NCOA1: variants seen among roughly 807,000 people sequenced by gnomAD.
The protein encoded by NCOA1 is nuclear receptor coactivator 1, also known as Hin-2 protein.
In NCOA1, 35 loss-of-function variants were observed where a neutral mutation model predicts 150.9. The ratio of observed to expected loss-of-function variants is 0.23; its 90% CI spans 0.18 to 0.31. The LOEUF is 0.31. Ranked by LOEUF, NCOA1 falls within the 10% of genes least tolerant of loss-of-function variation. The pLI is 1.00. For synonymous variants in NCOA1, 590 were observed against 630.0 expected, an observed-to-expected ratio of 0.94 and a Z score of 0.95; for missense variants, 1,491 against 1,749.3, an observed-to-expected ratio of 0.85 and a Z score of 2.63.
At chr2:24,759,442 A>G (rs1046872190) in intron 21 of NCOA1, among the ~76,000 whole-genome samples, 4 of 152,230 alleles carry the variant, frequency 2.6e-5, no homozygotes, top group African/African-American at 9.6e-5. Context: ...AGAAGAAGTA[A>G]TGTGGTAAGC....
chr2:24,554,744 C>T (rs931456916), intron 1 of NCOA1, among the ~76,000 whole-genome samples: 1 of 152,114 alleles, frequency 6.6e-6, no homozygotes, highest in Non-Finnish European at 1.5e-5. Context: ...TCGATGTTCT[C>T]CCTAGTAAGT....
intron 18 of NCOA1, among the ~76,000 whole-genome samples, chr2:24,741,158 G>A (rs1483809160): frequency 1.3e-5 from 2 of 151,920 alleles, no homozygotes; most frequent in Admixed American, 1.3e-4. Context: ...GTATTTGTAG[G>A]TTTTTTCTAA....
chr2:24,726,247 A>ATAT (rs1674616348), intron 14 of NCOA1, among the ~76,000 whole-genome samples: 2 of 152,144 alleles, frequency 1.3e-5, no homozygotes, highest in South Asian at 4.1e-4. Context: ...TACTTATAGC[A>ATAT]TATTCTGATA....
chr2:24,586,971 T>G (rs2148324201), intron 3 of NCOA1, among the ~76,000 whole-genome samples: 1 of 152,232 alleles, frequency 6.6e-6, no homozygotes, highest in South Asian at 2.1e-4. Flanking sequence ...CTTCCCATAT[T>G]CTTCCTACTA....
At chr2:24,499,308 TA>T (rs909052790) in intron 1 of NCOA1, among the ~76,000 whole-genome samples, 3 of 151,704 alleles carry the variant, frequency 2.0e-5, no homozygotes, top group Admixed American at 6.6e-5. Flanking sequence ...CCATCAACCT[TA>T]AAAAAAAATT....
At chr2:24,735,272 A>G (rs1031094424) in intron 17 of NCOA1, among the ~76,000 whole-genome samples, 13 of 152,238 alleles carry the variant, frequency 8.5e-5, no homozygotes, top group Non-Finnish European at 1.6e-4. Flanking sequence ...ACTAGTGTCC[A>G]GAATACACCC....
At chr2:24,747,355 T>C (rs1663984142) in intron 19 of NCOA1, among the ~76,000 whole-genome samples, 1 of 150,726 alleles carries the variant, frequency 6.6e-6, no homozygotes, top group Admixed American at 6.6e-5. Context: ...TTTTAATCTT[T>C]TGAGATAGGG....
intron 19 of NCOA1, among the ~76,000 whole-genome samples, chr2:24,743,757 G>A (rs1398122389): frequency 6.6e-6 from 1 of 152,104 alleles, no homozygotes; most frequent in Non-Finnish European, 1.5e-5. Flanking sequence ...AACAGCAAAT[G>A]GGTTTTTAGC....
intron 1 of NCOA1, among the ~76,000 whole-genome samples, chr2:24,527,156 T>C (rs1664686187): frequency 6.6e-6 from 1 of 152,168 alleles, no homozygotes; most frequent in South Asian, 2.1e-4. Context: ...TGTTAACCAC[T>C]GTTTCCCCAT....
intron 1 of NCOA1, among the ~76,000 whole-genome samples, chr2:24,524,692 C>T (rs141757296): frequency 0.013 from 1,931 of 151,748 alleles, 20 homozygotes; most frequent in Non-Finnish European, 0.017. Flanking sequence ...ACTGCAACCT[C>T]CACCTCCCGG....
chr2:24,686,564 C>G (rs927662016), intron 8 of NCOA1, among the ~76,000 whole-genome samples: 2 of 152,146 alleles, frequency 1.3e-5, no homozygotes, highest in African/African-American at 4.8e-5. Flanking sequence ...CTTTGTACCT[C>G]TAGTATAGAT....
intron 2 of NCOA1, among the ~76,000 whole-genome samples, chr2:24,565,362 G>A: frequency 6.6e-6 from 1 of 152,106 alleles, no homozygotes; most frequent in Non-Finnish European, 1.5e-5. Flanking sequence ...ACAGGTCAGA[G>A]TTTGTTGATT....
At chr2:24,582,895 T>C (rs1392747992) in intron 2 of NCOA1, among the ~76,000 whole-genome samples, 1 of 152,170 alleles carries the variant, frequency 6.6e-6, no homozygotes, top group Non-Finnish European at 1.5e-5. Context: ...GAAAACTGGA[T>C]ATGCAGAAGA....
chr2:24,665,993 T>TATC, intron 6 of NCOA1, 78 bp downstream of exon 6: 1 of 783,168 alleles, frequency 1.3e-6, no homozygotes, highest in South Asian at 6.3e-5. Flanking sequence ...ACTTTATTAT[T>TATC]ATTATTATTA....
At chr2:24,539,312 T>C (rs1665294207) in intron 1 of NCOA1, among the ~76,000 whole-genome samples, 1 of 151,560 alleles carries the variant, frequency 6.6e-6, no homozygotes, top group South Asian at 2.1e-4. Flanking sequence ...ATAAAAAGAG[T>C]CAGGGTTGGG....
At chr2:24,747,004 C>G (rs1572676735) in intron 19 of NCOA1, among the ~76,000 whole-genome samples, 1 of 152,022 alleles carries the variant, frequency 6.6e-6, no homozygotes, top group Admixed American at 6.6e-5. Flanking sequence ...ATCTCAGTAC[C>G]ATCCACTTAG....
chr2:24,636,623 G>A (rs184631441), intron 3 of NCOA1, among the ~76,000 whole-genome samples: 336 of 152,056 alleles, frequency 2.2e-3, no homozygotes, highest in African/African-American at 7.7e-3. Flanking sequence ...TTTGCCCTAC[G>A]TAGGAACTCC....
rs866132853 is a variant in NCOA1, at chr2:24,652,597, T to C, written c.-17-6064T>C. On this transcript the variant is annotated intron_variant, in intron 4 of 22. Transcript: ENST00000348332. ...AGAAATGAATGACAGATTTCTTATG[T>C]AGAAATTTAAATTCAACTGAATTAT... is the stretch of plus-strand genomic sequence containing the variant. 2.0e-5 allele frequency among the ~76,000 whole-genome samples: 3 copies of C among 152,150 alleles called. No individual in the cohort carries two copies. In the South Asian group the frequency reaches 6.2e-4, roughly 31 times the overall value.
intron 14 of NCOA1, among the ~76,000 whole-genome samples, chr2:24,714,090 C>T (rs192064290): frequency 6.6e-6 from 1 of 152,244 alleles, no homozygotes. Flanking sequence ...CAATCAGAGT[C>T]GGTAGACCTT....
Sources: allele counts gnomAD v4.1 joint callset (sites outside exome capture counted in the v4.1 genomes callset), GRCh38; gene constraint gnomAD v4.1.1; transcripts MANE v1.5; gene names NCBI Gene and HGNC (gene_info 2026-07-23, HGNC 2026-07-21).